CCDC171: variants seen among roughly 807,000 people sequenced by gnomAD.
CCDC171 encodes coiled-coil domain-containing protein 171.
Under a neutral mutation model 168.2 loss-of-function variants are expected in CCDC171, and 177 were observed. The ratio of observed to expected loss-of-function variants is 1.05; its 90% CI spans 0.93 to 1.19. The LOEUF (loss-of-function observed/expected upper bound fraction) is 1.19, where lower values mean the gene tolerates loss of function less well. CCDC171 is among the 50% of genes most tolerant of loss of function. The pLI, the probability that CCDC171 is intolerant of heterozygous loss-of-function variation, is 0.00. For synonymous variants in CCDC171, 687 were observed against 540.8 expected (o/e 1.27, Z -3.75); for missense variants, 1,991 against 1,539.0 (o/e 1.29, Z -4.91).
chr9:15,847,090 G>A (rs2060930580), intron 22 of CCDC171, among the ~76,000 whole-genome samples: 1 of 151,928 alleles, frequency 6.6e-6, no homozygotes, highest in African/African-American at 2.4e-5. Context: ...CTTATTTTGG[G>A]CTCTGTTACA....
chr9:15,674,193 A>G (rs1322199981), intron 9 of CCDC171, among the ~76,000 whole-genome samples: 1 of 152,028 alleles, frequency 6.6e-6, no homozygotes, highest in African/African-American at 2.4e-5. Context: ...TTTCTGTGGG[A>G]TCGGTGGTGA....
chr9:15,745,777 A>G, intron 18 of CCDC171, 146 bp downstream of exon 18: 1 of 448,302 alleles, frequency 2.2e-6, no homozygotes, highest in Non-Finnish European at 3.9e-6. Context: ...GAGATTGTTA[A>G]CTCTGTACTT....
At chr9:15,985,010 G>C (rs1479084676) in intron 3 of CCDC171, among the ~76,000 whole-genome samples, 1 of 151,904 alleles carries the variant, frequency 6.6e-6, no homozygotes, top group African/African-American at 2.4e-5. Flanking sequence ...GAGAGAAAAG[G>C]CATCAAACAT....
At chr9:15,941,788 A>G (rs1031365044) in intron 25 of CCDC171, among the ~76,000 whole-genome samples, 2 of 151,984 alleles carry the variant, frequency 1.3e-5, no homozygotes, top group African/African-American at 2.4e-5. Flanking sequence ...AAGACAATTC[A>G]TTTTTAAGCA....
chr9:15,636,189 G>C (rs1347078536), intron 7 of CCDC171, among the ~76,000 whole-genome samples: 1 of 152,020 alleles, frequency 6.6e-6, no homozygotes, highest in Non-Finnish European at 1.5e-5. Context: ...GCTAACGATG[G>C]AGGAAACTGG....
intron 1 of CCDC171, among the ~76,000 whole-genome samples, chr9:16,051,625 A>C (rs60249192): frequency 7.9e-5 from 12 of 152,096 alleles, no homozygotes; most frequent in African/African-American, 2.9e-4. Context: ...ATTAAACTTC[A>C]CTTGCTACCC....
intron 23 of CCDC171, among the ~76,000 whole-genome samples, chr9:15,857,561 T>G (rs1303257731): frequency 6.6e-6 from 1 of 151,982 alleles, no homozygotes; most frequent in African/African-American, 2.4e-5. Flanking sequence ...TAGCTGGAAC[T>G]ACAGTAATAC....
At chr9:15,587,068 C>A (rs2041621892) in intron 4 of CCDC171, among the ~76,000 whole-genome samples, 5 of 152,210 alleles carry the variant, frequency 3.3e-5, no homozygotes, top group Admixed American at 3.3e-4. Flanking sequence ...CAAGCTTGGC[C>A]TCCCAAAATG....
At chr9:15,891,816 A>G (rs1820253508) in intron 24 of CCDC171, among the ~76,000 whole-genome samples, 1 of 152,090 alleles carries the variant, frequency 6.6e-6, no homozygotes, top group Admixed American at 6.6e-5. Flanking sequence ...TGCAGGGAGG[A>G]TGAATTAAAA....
intron 21 of CCDC171, among the ~76,000 whole-genome samples, chr9:15,786,709 G>A (rs142958220): frequency 0.018 from 2,761 of 152,208 alleles, 102 homozygotes; most frequent in African/African-American, 0.063. Context: ...AAGTGAAACA[G>A]CCAGTTCCTG....
At chr9:15,910,709 A>G (rs910032269) in intron 24 of CCDC171, among the ~76,000 whole-genome samples, 7 of 147,024 alleles carry the variant, frequency 4.8e-5, no homozygotes, top group African/African-American at 1.8e-4. Flanking sequence ...CCCCCACCCC[A>G]CAACAGGCCC....
At chr9:15,607,416 A>G (rs1036560399) in intron 6 of CCDC171, among the ~76,000 whole-genome samples, 4 of 152,128 alleles carry the variant, frequency 2.6e-5, no homozygotes, top group Non-Finnish European at 4.4e-5. Flanking sequence ...TTTAGGATAT[A>G]TATTAGAATA....
At chr9:15,946,425 T>C (rs1479766885) in intron 25 of CCDC171, among the ~76,000 whole-genome samples, 2 of 151,960 alleles carry the variant, frequency 1.3e-5, no homozygotes, top group East Asian at 3.9e-4. Context: ...TCACAATTGC[T>C]TCAAAGAGAA....
Position 15,728,010 on chromosome 9 carries a change from G to A in CCDC171, c.1834G>A (p.Ala612Thr), listed in dbSNP as rs952010537. 1 of 1,612,496 alleles carries A rather than the reference G, an allele frequency of 6.2e-7. No individual in the cohort carries two copies. The highest frequency in any genetic ancestry group is 1.7e-5 in the Admixed American group (1 of 59,856). ...ACAGGAGAATGTTGATGCCCTGATT[G>A]CAGACCTCAACAGGGCTAATGAGAA... Reference protein sequence around the residue: ...VLQENVDALIADLNRANEKIR... With the variant: ...VLQENVDALITDLNRANEKIR... Residue 612 changes from alanine (A) to threonine (T), a missense_variant, in exon 15 of 26, where the codon GCA becomes ACA. Ala to Thr is a moderately conservative substitution (Grantham distance 58). Transcript: ENST00000380701.
At chr9:15,792,625 T>C (rs1426195551) in intron 21 of CCDC171, among the ~76,000 whole-genome samples, 1 of 152,164 alleles carries the variant, frequency 6.6e-6, no homozygotes, top group Non-Finnish European at 1.5e-5. Flanking sequence ...AGCGGATCTC[T>C]CGGCAGAAAC....
chr9:15,605,181 G>C (rs2043130714), intron 6 of CCDC171, among the ~76,000 whole-genome samples: 1 of 152,070 alleles, frequency 6.6e-6, no homozygotes. Flanking sequence ...ACAGGAGTGA[G>C]CCACCACACC....
chr9:15,925,147 A>T (rs368549308), intron 25 of CCDC171, among the ~76,000 whole-genome samples: 1 of 151,692 alleles, frequency 6.6e-6, no homozygotes, highest in African/African-American at 2.4e-5. Flanking sequence ...ATCACACTAA[A>T]TAATGTGTAA....
intron 19 of CCDC171, among the ~76,000 whole-genome samples, chr9:15,778,643 C>CAAAAAAAAAAAAA (rs527592822): frequency 2.0e-4 from 12 of 58,788 alleles, no homozygotes; most frequent in African/African-American, 4.7e-4. Context: ...AAGACTGTCT[C>CAAAAAAAAAAAAA]AAAAAAAAAA....
Position 15,748,424 on chromosome 9 carries a change from C to G in CCDC171, c.2671+2793C>G, listed in dbSNP as rs564960763. ...TCAGGATATTATCGAGGAGAACTTC[C>G]CAAACATAGCAAGGCAGGCCAACAT... is the stretch of plus-strand genomic sequence containing the variant. On this transcript the variant is annotated intron_variant, in intron 18 of 25. Coordinates refer to ENST00000380701, the MANE Select transcript of CCDC171 (RefSeq NM_173550.4). Among the ~76,000 whole-genome samples the G allele has an allele frequency of 3.3e-5, 5 of 152,202 alleles. No individual in the cohort carries two copies. In the South Asian group the frequency reaches 1.0e-3, roughly 32 times the overall value.
Sources: allele counts gnomAD v4.1 joint callset (sites outside exome capture counted in the v4.1 genomes callset), GRCh38; gene constraint gnomAD v4.1.1; transcripts MANE v1.5; gene names NCBI Gene and HGNC (gene_info 2026-07-23, HGNC 2026-07-21).